BDH2: variants seen among roughly 807,000 people sequenced by gnomAD.
BDH2 encodes the protein 3-hydroxybutyrate dehydrogenase 2.
A neutral mutation model predicts 33.2 loss-of-function variants in BDH2; 24 were observed. That is an observed-to-expected ratio of 0.72 (90% CI 0.52 to 1.02). BDH2 has a LOEUF of 1.02. Among genes scored for constraint, BDH2 ranks in the 50% least tolerant of loss-of-function variants. The pLI is 0.00. For missense variants in BDH2, 249 were observed against 301.6 expected, an observed-to-expected ratio of 0.83 and a Z score of 1.29; for synonymous variants, 81 against 101.6, an observed-to-expected ratio of 0.80 and a Z score of 1.22.
At chr4:103,091,139 T>A (rs1748062781) in intron 5 of BDH2, 38 bp downstream of exon 5, 1 of 1,335,238 alleles carries the variant, frequency 7.5e-7, no homozygotes, top group African/African-American at 1.4e-5. Flanking sequence ...AGAGACCTAA[T>A]GTGGTGCTTA....
chr4:103,084,532 C>A (rs767636866), intron 7 of BDH2, among the ~76,000 whole-genome samples: 1 of 152,214 alleles, frequency 6.6e-6, no homozygotes, highest in Non-Finnish European at 1.5e-5. Context: ...GAAACAACCA[C>A]ATTTTCCAAA....
chr4:103,088,179 C>T (rs1035217671), intron 5 of BDH2, among the ~76,000 whole-genome samples: 2 of 152,112 alleles, frequency 1.3e-5, no homozygotes, highest in Admixed American at 1.3e-4. Context: ...ATGGGGTTCT[C>T]ATAAAAAGTG....
rs577288903 is a variant in BDH2 at position 103,086,249 on chromosome 4, G to T, written c.418+231C>A. Reference sequence around the variant, plus strand: ...TGTTCATTTCCATGTCCATTAGAAAGAATAAAAGGGAGGGCAAAAATACCC... The same window carrying T: ...TGTTCATTTCCATGTCCATTAGAAATAATAAAAGGGAGGGCAAAAATACCC... On this transcript the variant is annotated intron_variant, in intron 6 of 9. Coordinates refer to ENST00000296424, the MANE Select transcript of BDH2 (RefSeq NM_020139.4). The T allele has an allele frequency of 1.6e-4, 209 of 1,283,208 alleles. 2 individuals carry two copies. The African/African-American group carries it at 2.8e-3, about 17-fold the overall frequency. 79.5% of individuals were successfully genotyped at this position (1,283,208 alleles called of 1,614,324 possible). A position where few individuals can be genotyped will look rare whatever the true frequency, so the allele number is the denominator to read the frequency against.
intron 3 of BDH2, among the ~76,000 whole-genome samples, chr4:103,093,727 T>C (rs1748225742): frequency 6.8e-6 from 1 of 147,546 alleles, no homozygotes. Context: ...ATATGTATAA[T>C]ACATATAATA....
At chr4:103,086,637 A>G in intron 5 of BDH2, 97 bp from the exon 6 acceptor site, 3 of 1,436,562 alleles carry the variant, frequency 2.1e-6, no homozygotes, top group Non-Finnish European at 2.8e-6. Context: ...GGTTTGCAGA[A>G]TGAATTTAAT....
At chr4:103,083,201 TAGTC>T (rs1194615674) in intron 7 of BDH2, among the ~76,000 whole-genome samples, 1 of 152,238 alleles carries the variant, frequency 6.6e-6, no homozygotes, top group Non-Finnish European at 1.5e-5. Context: ...ACATATATTT[TAGTC>T]ACATTGCATT....
intron 9 of BDH2, among the ~76,000 whole-genome samples, chr4:103,080,294 TC>T (rs578156805): frequency 1.5e-3 from 232 of 152,330 alleles, no homozygotes; most frequent in African/African-American, 4.9e-3. Context: ...ATAACTATAA[TC>T]CATTAAGCTA....
At chr4:103,081,755 A>AT (rs1447643824) in intron 9 of BDH2, among the ~76,000 whole-genome samples, 1 of 152,154 alleles carries the variant, frequency 6.6e-6, no homozygotes, top group Non-Finnish European at 1.5e-5. Context: ...TGGAGGTTCA[A>AT]TTTTTTGACT....
chr4:103,095,243 G>C lies in BDH2; in HGVS notation c.111C>G (p.Asp37Glu). Reference sequence around the variant, plus strand: ...GTTCCTGAAGTTTGGACTCATTAATGTCTGTGGCTATGACTTTGGCACCTT... The same window carrying C: ...GTTCCTGAAGTTTGGACTCATTAATCTCTGTGGCTATGACTTTGGCACCTT... ...AREGAKVIATDINESKLQELE... is the reference protein window; with the variant it reads ...AREGAKVIATEINESKLQELE... The change falls in exon 3 of 10, where the codon GAC becomes GAG. Residue 37 changes from aspartate (D) to glutamate (E), a missense_variant. Coordinates refer to ENST00000296424, the MANE Select transcript of BDH2 (RefSeq NM_020139.4). 1.2e-6 allele frequency: 2 copies of C among 1,613,852 alleles called. No individual in the cohort carries two copies. The highest frequency in any genetic ancestry group is 1.7e-6 in the Non-Finnish European group (2 of 1,179,842).
intron 3 of BDH2, among the ~76,000 whole-genome samples, chr4:103,094,662 A>T (rs1276083619): frequency 2.0e-5 from 3 of 152,118 alleles, no homozygotes; most frequent in Non-Finnish European, 4.4e-5. Context: ...AATAATTTAA[A>T]TAAAAAATTT....
chr4:103,085,625 A>G, intron 6 of BDH2, 163 bp from the exon 7 acceptor site: 1 of 1,488,220 alleles, frequency 6.7e-7, no homozygotes, highest in Non-Finnish European at 9.0e-7. Context: ...CAATAGAGTC[A>G]GTTTCTGGAT....
At chr4:103,090,753 C>T (rs1748043488) in intron 5 of BDH2, among the ~76,000 whole-genome samples, 1 of 152,176 alleles carries the variant, frequency 6.6e-6, no homozygotes, top group Non-Finnish European at 1.5e-5. Context: ...TCTTGGACTG[C>T]TATGCCAGTT....
Position 103,095,286 on chromosome 4 carries a change from T to G in BDH2, c.73-5A>C, listed in dbSNP as rs572912670. On this transcript the variant is annotated splice_polypyrimidine_tract_variant and splice_region_variant and intron_variant, in intron 2 of 9. Coordinates refer to ENST00000296424, the MANE Select transcript of BDH2 (RefSeq NM_020139.4). Reference sequence around the variant, plus strand: ...GGCACCTTCTCTTGCAAAAGCCTAGTAGACACAAAGTACAAATAAATCCTT... The same window carrying G: ...GGCACCTTCTCTTGCAAAAGCCTAGGAGACACAAAGTACAAATAAATCCTT... 1.9e-6 allele frequency: 3 copies of G among 1,610,170 alleles called. No homozygotes were observed. Among genetic ancestry groups the G allele is most frequent in the Non-Finnish European group, 1.7e-6 (2 of 1,176,584 alleles).
intron 7 of BDH2, 49 bp downstream of exon 7, chr4:103,085,300 G>T (rs376151940): frequency 6.8e-5 from 97 of 1,425,922 alleles, no homozygotes; most frequent in Non-Finnish European, 8.8e-5. Flanking sequence ...ATTGGGTGTG[G>T]AAGTGTTTCA....
intron 1 of BDH2, 100 bp downstream of exon 1, chr4:103,099,683 T>G (rs1748563088): frequency 6.6e-6 from 1 of 152,238 alleles, no homozygotes; most frequent in African/African-American, 2.4e-5. Flanking sequence ...CTCAGATTAA[T>G]TTTGAAACAG....
At chr4:103,096,313 A>G (rs1748402940) in intron 1 of BDH2, 39 bp from the exon 2 acceptor site, 1 of 1,347,730 alleles carries the variant, frequency 7.4e-7, no homozygotes, top group East Asian at 2.3e-5. Flanking sequence ...ACTGTAGAAC[A>G]TGATCTTGAG....
intron 1 of BDH2, among the ~76,000 whole-genome samples, chr4:103,097,031 C>CA (rs745984274): frequency 2.0e-5 from 3 of 152,022 alleles, no homozygotes; most frequent in African/African-American, 7.2e-5. Context: ...TTGAGGTTTG[C>CA]ACTATCAATT....
intron 1 of BDH2, 109 bp from the exon 2 acceptor site, chr4:103,096,383 C>A: frequency 1.6e-6 from 1 of 642,990 alleles, no homozygotes; most frequent in Non-Finnish European, 2.6e-6. Context: ...ATTTAGTGAG[C>A]TCCTTCAGGA....
chr4:103,078,463 C>T lies in BDH2; in HGVS notation c.*1239G>A, dbSNP rs1408719333. Among the ~76,000 whole-genome samples, 1 of 152,010 alleles carries T rather than the reference C, an allele frequency of 6.6e-6. No homozygotes were observed. The highest frequency in any genetic ancestry group is 1.5e-5 in the Non-Finnish European group (1 of 68,006). On this transcript the variant is annotated 3_prime_UTR_variant, in exon 10 of 10. Transcript: ENST00000296424. ...TTAGCTAACTATATATTTCTTAGGC[C>T]CATGTCAAATATCATTGCTTATTTT... is the stretch of plus-strand genomic sequence containing the variant.
Sources: allele counts gnomAD v4.1 joint callset (sites outside exome capture counted in the v4.1 genomes callset), GRCh38; gene constraint gnomAD v4.1.1; transcripts MANE v1.5; gene names NCBI Gene and HGNC (gene_info 2026-07-23, HGNC 2026-07-21).